SLC26A11: variants seen among roughly 807,000 people sequenced by gnomAD.
The protein encoded by SLC26A11 is sodium-independent sulfate anion transporter.
SLC26A11 carries 58 observed loss-of-function variants against 62.2 expected under a neutral mutation model. The observed-to-expected ratio is 0.93, with a 90% CI of 0.76 to 1.16. The LOEUF is 1.16. Among genes scored for constraint, SLC26A11 ranks in the 50% most tolerant of loss-of-function variants. SLC26A11 has a pLI of 0.00. For missense variants in SLC26A11, 790 were observed against 794.3 expected (o/e 0.99, Z 0.06); for synonymous variants, 411 against 368.9 (o/e 1.11, Z -1.31).
intron 16 of SLC26A11, among the ~76,000 whole-genome samples, chr17:80,249,660 C>T (rs1257791123): frequency 1.3e-5 from 2 of 152,188 alleles, no homozygotes; most frequent in African/African-American, 4.8e-5. Context: ...AATCCCAGCA[C>T]TTTGGGAGGC....
At position 80,252,079 on chromosome 17, in the gene SLC26A11, C is replaced by G. The variant is rs73432170; in HGVS notation, c.1730-546C>G. On this transcript the variant is annotated intron_variant, in intron 17 of 17. Transcript: ENST00000361193. The surrounding 1 kb of genome is among the most constrained non-coding windows in gnomAD (Gnocchi z 5.2). ...GGGACAGGAGCAGGGTGGGCGCTGA[C>G]CCTTGAGACAGCAATCGCAGGAGGT... Among the ~76,000 whole-genome samples, 9,891 of 152,060 alleles carry G rather than the reference C, an allele frequency of 0.065. 790 individuals carry two copies. Among genetic ancestry groups the G allele is most frequent in the African/African-American group, 0.19 (7,947 of 41,428 alleles).
chr17:80,237,869 G>A (rs894343399), intron 9 of SLC26A11, among the ~76,000 whole-genome samples: 4 of 152,214 alleles, frequency 2.6e-5, no homozygotes, highest in South Asian at 2.1e-4. Context: ...GGCCCTTGCC[G>A]ATGTCCACGG....
Position 80,222,730 on chromosome 17 carries a change from C to T in SLC26A11, c.310C>T (p.Pro104Ser), listed in dbSNP as rs2042257130. 6.2e-7 allele frequency: 1 copy of T among 1,614,102 alleles called. No homozygotes were observed. The highest frequency in any genetic ancestry group is 8.5e-7 in the Non-Finnish European group (1 of 1,180,022). Residue 104 changes from proline to serine, a missense_variant, in exon 4 of 18, where the codon CCC (proline) becomes TCC (serine). Transcript: ENST00000361193. This position sits in a 1 kb window ranked among gnomAD's most constrained non-coding sequence, Gnocchi z 4.7. ...CACCTCCCGGGATGTGACTCTGGGC[C>T]CCACCGCCATTATGTCCCTCCTGGT... ...LGTSRDVTLG[P>S]TAIMSLLVSF...
intron 9 of SLC26A11, among the ~76,000 whole-genome samples, chr17:80,238,624 C>T (rs1175392626): frequency 1.3e-5 from 2 of 152,220 alleles, no homozygotes; most frequent in East Asian, 1.9e-4. Context: ...CACCTTCGTT[C>T]TGTCTTGTCA....
At chr17:80,243,924 G>A (rs1170037314) in intron 10 of SLC26A11, among the ~76,000 whole-genome samples, 1 of 152,224 alleles carries the variant, frequency 6.6e-6, no homozygotes, top group East Asian at 1.9e-4. Flanking sequence ...GGCTCACAGA[G>A]TTGGGTCCCC....
intron 9 of SLC26A11, among the ~76,000 whole-genome samples, chr17:80,239,515 G>A (rs982630088): frequency 1.7e-4 from 26 of 151,314 alleles, no homozygotes; most frequent in African/African-American, 4.6e-4. Flanking sequence ...TCAGCCTCCC[G>A]AGTAGCTGGG....
intron 10 of SLC26A11, among the ~76,000 whole-genome samples, chr17:80,244,460 C>G (rs1179130065): frequency 6.6e-6 from 1 of 152,200 alleles, no homozygotes; most frequent in Admixed American, 6.5e-5. Context: ...GCTCTCACCC[C>G]CTCCTGGGTG....
In SLC26A11 at chr17:80,229,603, T is replaced by C. The variant is rs139620660; in HGVS notation, c.736+1643T>C. 6.4e-3 allele frequency among the ~76,000 whole-genome samples: 975 copies of C among 151,790 alleles called. 7 individuals carry two copies. Among genetic ancestry groups the C allele is most frequent in the Non-Finnish European group, 0.01 (695 of 67,894 alleles). On this transcript the variant is annotated intron_variant, in intron 7 of 17. Coordinates refer to ENST00000361193, the MANE Select transcript of SLC26A11 (RefSeq NM_001166347.2). ...CACCACCACACCTGGCTAATTTTTGTATTTTGAGTAGAGATGGGGTTTCAC... is the reference window on the plus strand; with the variant it reads ...CACCACCACACCTGGCTAATTTTTGCATTTTGAGTAGAGATGGGGTTTCAC...
At chr17:80,224,422 TGA>T (rs1190179284) in intron 5 of SLC26A11, among the ~76,000 whole-genome samples, 15 of 132,838 alleles carry the variant, frequency 1.1e-4, no homozygotes, top group South Asian at 5.2e-4. Context: ...TGTGAGTGAG[TGA>T]GAGTGGGTGT....
At chr17:80,250,748 A>G (rs1490979973) in intron 16 of SLC26A11, among the ~76,000 whole-genome samples, 3 of 151,850 alleles carry the variant, frequency 2.0e-5, no homozygotes, top group Non-Finnish European at 4.4e-5. Context: ...AATCGCTTGA[A>G]CCCGGGAGGC....
rs188030910 is a variant in SLC26A11, at chr17:80,226,675, C to T, written c.593+759C>T. On this transcript the variant is annotated intron_variant, in intron 6 of 17. Transcript: ENST00000361193. ...GAGATCACGCCACTGCACTCCAGCC[C>T]GGGTGATAGAGTGAGACTCCATCTC... 3.7e-3 allele frequency among the ~76,000 whole-genome samples: 569 copies of T among 152,170 alleles called. 6 individuals are homozygous for T. The highest frequency in any genetic ancestry group is 0.012 in the African/African-American group (509 of 41,522).
rs547764311 is a variant in SLC26A11 at position 80,246,426 on chromosome 17, G to T, written c.1154-83G>T. 703 of 1,571,956 alleles carry T rather than the reference G, an allele frequency of 4.5e-4. 6 individuals carry two copies. Among genetic ancestry groups the T allele is most frequent in the South Asian group, 3.9e-3 (345 of 88,126 alleles). On this transcript the variant is annotated intron_variant, in intron 12 of 17. Transcript: ENST00000361193. This position sits in a 1 kb window ranked among gnomAD's most constrained non-coding sequence, Gnocchi z 4.4. The stretch of plus-strand genomic sequence containing the variant: ...CTACCCCCACCCCTGTCCCCAGTGG[G>T]CTCTGCTGAACAAGAGGCTGCTACG...
chr17:80,241,640 A>T, intron 9 of SLC26A11, 131 bp from the exon 10 acceptor site: 1 of 889,116 alleles, frequency 1.1e-6, no homozygotes, highest in Non-Finnish European at 1.9e-6. Context: ...TGAATATTTT[A>T]GATGTGTATT....
In SLC26A11 at chr17:80,222,646, T is replaced by G. The variant is rs1370168150; in HGVS notation, c.235-9T>G. On this transcript the variant is annotated splice_polypyrimidine_tract_variant and intron_variant, in intron 3 of 17. Transcript: ENST00000361193. This position sits in a 1 kb window ranked among gnomAD's most constrained non-coding sequence, Gnocchi z 4.7. The stretch of plus-strand genomic sequence containing the variant: ...CCTCCTGAGTGCTCACCACCCTCTC[T>G]CCCCACAGTATGGCCTCTACTCTGC... 6.2e-7 allele frequency: 1 copy of G among 1,612,488 alleles called. No individual in the cohort carries two copies. The highest frequency in any genetic ancestry group is 8.5e-7 in the Non-Finnish European group (1 of 1,179,016).
chr17:80,223,234 C>A lies in SLC26A11; in HGVS notation c.428-18C>A, dbSNP rs772130174. ...GGTGGAGCCGGGACCAGCTCGATGT[C>A]CCCTCTTGGCTGGCCAGGGTTCCTG... On this transcript the variant is annotated intron_variant, in intron 4 of 17. Coordinates refer to ENST00000361193, the MANE Select transcript of SLC26A11 (RefSeq NM_001166347.2). This position sits in a 1 kb window ranked among gnomAD's most constrained non-coding sequence, Gnocchi z 4.6. 1.2e-6 allele frequency: 2 copies of A among 1,611,646 alleles called. No homozygotes were observed. Among genetic ancestry groups the A allele is most frequent in the Non-Finnish European group, 1.7e-6 (2 of 1,177,752 alleles).
rs2042278856 is a variant in SLC26A11, at chr17:80,223,372, G to A, written c.513+35G>A. ...GCGCCCACCCAGGGCACTGCTCTTT[G>A]GCCACTGCTCGTTGGCACAGGGATG... is the stretch of plus-strand genomic sequence containing the variant. On this transcript the variant is annotated intron_variant, in intron 5 of 17. Coordinates refer to ENST00000361193, the MANE Select transcript of SLC26A11 (RefSeq NM_001166347.2). This position sits in a 1 kb window ranked among gnomAD's most constrained non-coding sequence, Gnocchi z 4.6. 1 of 1,601,896 alleles carries A rather than the reference G, an allele frequency of 6.2e-7. No homozygotes were observed. The highest frequency in any genetic ancestry group is 1.7e-5 in the Admixed American group (1 of 59,864).
chr17:80,252,824 AC>A lies in SLC26A11; in HGVS notation c.*112del, dbSNP rs2043187077. On this transcript the variant is annotated 3_prime_UTR_variant, in exon 18 of 18. Coordinates refer to ENST00000361193, the MANE Select transcript of SLC26A11 (RefSeq NM_001166347.2). The surrounding 1 kb of genome is among the most constrained non-coding windows in gnomAD (Gnocchi z 5.2). ...ATAGACATGCTGGCCTGGCTGAGAAACCCCTGAGCAGGTAACCCAGGGAAGA... is the reference window on the plus strand; with the variant it reads ...ATAGACATGCTGGCCTGGCTGAGAAACCCTGAGCAGGTAACCCAGGGAAGA... 1 of 993,466 alleles carries A rather than the reference AC, an allele frequency of 1.0e-6. No individual in the cohort carries two copies. Among genetic ancestry groups the A allele is most frequent in the African/African-American group, 1.6e-5 (1 of 61,670 alleles). 61.5% of individuals were successfully genotyped at this position (993,466 alleles called of 1,614,324 possible). A position where few individuals can be genotyped will look rare whatever the true frequency, so the allele number is the denominator to read the frequency against.
rs779282402 is a variant in SLC26A11 at position 80,252,632 on chromosome 17, C to T, written c.1737C>T (p.His579=). 6.2e-7 allele frequency: 1 copy of T among 1,613,678 alleles called. No individual in the cohort carries two copies. The highest frequency in any genetic ancestry group is 1.7e-5 in the Admixed American group (1 of 59,970). ...YFSTLEEAEK[H]LRQEPGTQPY... is the part of the protein sequence containing the mutation. ...TTATTGTATTTTCTGCAGAGAAGCA[C>T]CTGAGGCAGGAGCCAGGGACCCAGC... Residue 579 remains histidine (H), a synonymous_variant, in exon 18 of 18, where the codon CAC becomes CAT. Transcript: ENST00000361193. This position sits in a 1 kb window ranked among gnomAD's most constrained non-coding sequence, Gnocchi z 5.2.
In SLC26A11 at chr17:80,222,890, G is replaced by A. The variant is rs201904994; in HGVS notation, c.427+43G>A. On this transcript the variant is annotated intron_variant, in intron 4 of 17. Coordinates refer to ENST00000361193, the MANE Select transcript of SLC26A11 (RefSeq NM_001166347.2). This position sits in a 1 kb window ranked among gnomAD's most constrained non-coding sequence, Gnocchi z 4.7. The stretch of plus-strand genomic sequence containing the variant: ...TGCCAAGGGGATGCCCTCGACCTCA[G>A]CATTTGCTTGTTTGCATTTCAAGTC... 27 of 1,586,378 alleles carry A rather than the reference G, an allele frequency of 1.7e-5. No individual in the cohort carries two copies. The East Asian group carries it at 6.1e-4, about 36-fold the overall frequency.
Sources: gnomAD v4.1 joint callset for allele counts (sites outside exome capture counted in the v4.1 genomes callset) on GRCh38, gnomAD v4.1.1 for gene constraint, Gnocchi (gnomAD v3.1) non-coding constraint, MANE v1.5 for transcripts, NCBI Gene and HGNC (gene_info 2026-07-23, HGNC 2026-07-21) for gene names.